The following FNBP1L variants were observed in gnomAD, a reference collection of about 807,000 sequenced individuals.
The protein encoded by FNBP1L is formin-binding protein 1-like.
A neutral mutation model predicts 91.2 loss-of-function variants in FNBP1L; 36 were observed. That is an observed-to-expected ratio of 0.39 (90% confidence interval 0.30 to 0.52). FNBP1L has a LOEUF of 0.52. Ranked by LOEUF, FNBP1L falls within the 20% of genes least tolerant of loss-of-function variation. The pLI is 0.66. For synonymous variants in FNBP1L, 242 were observed against 237.0 expected (o/e 1.02, Z -0.19); for missense variants, 571 against 732.1 (o/e 0.78, Z 2.54).
At chr1:93,457,251 G>A (rs1668702794) in intron 1 of FNBP1L, among the ~76,000 whole-genome samples, 2 of 152,164 alleles carry the variant, frequency 1.3e-5, no homozygotes, top group Non-Finnish European at 2.9e-5. Flanking sequence ...TCATATAAAT[G>A]ATACCGTATG....
chr1:93,477,810 T>G (rs555711803), intron 1 of FNBP1L, among the ~76,000 whole-genome samples: 2 of 152,340 alleles, frequency 1.3e-5, no homozygotes, highest in South Asian at 4.1e-4. Context: ...CCTGCATTAG[T>G]GCATTTTGTG....
chr1:93,534,042 A>G (rs993859361), intron 8 of FNBP1L, among the ~76,000 whole-genome samples: 3 of 152,212 alleles, frequency 2.0e-5, no homozygotes, highest in Admixed American at 6.5e-5. Context: ...TCACTAAAGC[A>G]TTCAGGTAGA....
chr1:93,514,354 A>G (rs1486853354), intron 2 of FNBP1L, among the ~76,000 whole-genome samples: 7 of 151,732 alleles, frequency 4.6e-5, no homozygotes, highest in Admixed American at 4.6e-4. Flanking sequence ...AAGGTAATTT[A>G]CAGATTCAAT....
intron 2 of FNBP1L, among the ~76,000 whole-genome samples, chr1:93,511,993 C>A (rs1039505261): frequency 3.7e-5 from 5 of 136,198 alleles, no homozygotes; most frequent in Admixed American, 7.5e-5. Flanking sequence ...AAAAAAGAGT[C>A]AAGACCCATC....
At chr1:93,506,569 AC>A (rs1157107012) in intron 2 of FNBP1L, among the ~76,000 whole-genome samples, 2 of 152,106 alleles carry the variant, frequency 1.3e-5, no homozygotes, top group African/African-American at 4.8e-5. Flanking sequence ...CTCTAATATT[AC>A]CCTTTGCTGG....
chr1:93,532,972 C>T lies in FNBP1L; in HGVS notation c.690C>T (p.Tyr230=), dbSNP rs759705056. 19 of 1,612,840 alleles carry T rather than the reference C, an allele frequency of 1.2e-5. No individual in the cohort carries two copies. The highest frequency in any genetic ancestry group is 1.5e-5 in the Non-Finnish European group (18 of 1,179,310). Residue 230 remains tyrosine (Y), a synonymous_variant, in exon 8 of 17, where the codon TAC becomes TAT. Coordinates refer to ENST00000271234, the MANE Select transcript of FNBP1L (RefSeq NM_001164473.3). The stretch of plus-strand genomic sequence containing the variant: ...GGACTATTAAACTCAGTGAGTGTTA[C>T]AGAGGATTTGCTGACTCAGAACGCA... ...ERRTIKLSEC[Y]RGFADSERKV...
intron 2 of FNBP1L, among the ~76,000 whole-genome samples, chr1:93,506,833 A>G (rs1476682728): frequency 6.6e-6 from 1 of 152,138 alleles, no homozygotes; most frequent in Non-Finnish European, 1.5e-5. Flanking sequence ...GTAAATATAA[A>G]CATGACAAAA....
At chr1:93,472,899 G>A (rs1183018757) in intron 1 of FNBP1L, among the ~76,000 whole-genome samples, 3 of 147,014 alleles carry the variant, frequency 2.0e-5, no homozygotes, top group African/African-American at 7.5e-5. Context: ...ATTGCTGATT[G>A]CATTATCGTG....
intron 1 of FNBP1L, among the ~76,000 whole-genome samples, chr1:93,484,024 G>A (rs1258607704): frequency 6.6e-6 from 1 of 152,214 alleles, no homozygotes; most frequent in Non-Finnish European, 1.5e-5. Context: ...TGCCTCCTGG[G>A]TTCAAGCAAT....
intron 2 of FNBP1L, among the ~76,000 whole-genome samples, chr1:93,515,066 T>C (rs1281589230): frequency 1.3e-5 from 2 of 151,800 alleles, no homozygotes; most frequent in South Asian, 2.1e-4. Context: ...TCAAACAAAT[T>C]TACAAGAAAA....
intron 1 of FNBP1L, among the ~76,000 whole-genome samples, chr1:93,494,508 C>A (rs1010422462): frequency 6.6e-6 from 1 of 152,112 alleles, no homozygotes; most frequent in African/African-American, 2.4e-5. Context: ...AGTTTCAACC[C>A]TCAGATCACA....
At chr1:93,465,407 A>G (rs1669042300) in intron 1 of FNBP1L, among the ~76,000 whole-genome samples, 2 of 151,688 alleles carry the variant, frequency 1.3e-5, no homozygotes, top group South Asian at 2.1e-4. Context: ...CTTGTGTCCA[A>G]GTGATCTCAT....
intron 2 of FNBP1L, among the ~76,000 whole-genome samples, chr1:93,519,825 T>C (rs1671262455): frequency 6.6e-6 from 1 of 152,092 alleles, no homozygotes; most frequent in African/African-American, 2.4e-5. Context: ...GGCATGATGG[T>C]GTGTGCCTGT....
intron 2 of FNBP1L, among the ~76,000 whole-genome samples, chr1:93,519,616 T>A (rs937054252): frequency 6.6e-6 from 1 of 152,160 alleles, no homozygotes; most frequent in Non-Finnish European, 1.5e-5. Context: ...AGTTTGTAAA[T>A]TATGTACATG....
intron 2 of FNBP1L, among the ~76,000 whole-genome samples, chr1:93,507,101 ACACACACTCTCT>A (rs1303946729): frequency 8.2e-3 from 462 of 56,296 alleles, no homozygotes; most frequent in Non-Finnish European, 9.4e-3. Flanking sequence ...ACACACACAC[ACACACACTCTCT>A]CTCTCTCTCT....
chr1:93,542,812 T>C (rs926579217), intron 11 of FNBP1L, among the ~76,000 whole-genome samples: 8 of 144,050 alleles, frequency 5.6e-5, no homozygotes, highest in African/African-American at 7.9e-5. Flanking sequence ...AGACGGAGTC[T>C]CGCTCTTGTC....
chr1:93,532,525 TAA>T (rs34093849), intron 7 of FNBP1L, among the ~76,000 whole-genome samples: 21 of 134,718 alleles, frequency 1.6e-4, no homozygotes, highest in East Asian at 4.5e-4. Context: ...CCAGTTGCTT[TAA>T]AAAAAAAAAA....
chr1:93,476,024 C>T (rs961927139), intron 1 of FNBP1L, among the ~76,000 whole-genome samples: 3 of 152,040 alleles, frequency 2.0e-5, no homozygotes, highest in African/African-American at 7.2e-5. Context: ...TTTGCAGGTA[C>T]AAGGTCTGCA....
At chr1:93,479,885 A>G (rs1414694504) in intron 1 of FNBP1L, among the ~76,000 whole-genome samples, 1 of 152,168 alleles carries the variant, frequency 6.6e-6, no homozygotes, top group Non-Finnish European at 1.5e-5. Context: ...TCCTGAGGTG[A>G]CGTACATCCT....
Sources: allele counts gnomAD v4.1 joint callset (sites outside exome capture counted in the v4.1 genomes callset), GRCh38; gene constraint gnomAD v4.1.1; transcripts MANE v1.5; gene names NCBI Gene and HGNC (gene_info 2026-07-23, HGNC 2026-07-21).